ESR1: variants seen among roughly 807,000 people sequenced by gnomAD.
ESR1 encodes the protein estrogen receptor 1.
Under a neutral mutation model 52.7 loss-of-function variants are expected in ESR1, and 12 were observed. The observed-to-expected ratio is 0.23, with a 90% CI of 0.15 to 0.37. The LOEUF (loss-of-function observed/expected upper bound fraction) is 0.37, where lower values mean the gene tolerates loss of function less well. Ranked by LOEUF, ESR1 falls within the 10% of genes least tolerant of loss-of-function variation. ESR1 has a pLI of 1.00. For synonymous variants in ESR1, 305 were observed against 316.8 expected (o/e 0.96, Z 0.39); for missense variants, 584 against 779.7 (o/e 0.75, Z 2.99).
At chr6:151,962,752 A>G (rs944931891) in intron 4 of ESR1, among the ~76,000 whole-genome samples, 7 of 152,156 alleles carry the variant, frequency 4.6e-5, no homozygotes, top group African/African-American at 1.7e-4. Flanking sequence ...CACACACTTA[A>G]TGGACCCTTT....
At chr6:151,664,993 C>G (rs1314689309) in intron 1 of ESR1, among the ~76,000 whole-genome samples, 1 of 152,184 alleles carries the variant, frequency 6.6e-6, no homozygotes, top group Non-Finnish European at 1.5e-5. Context: ...AACATGCCAG[C>G]TTTAACTGCC....
At chr6:152,026,970 CTT>C (rs34385133) in intron 5 of ESR1, among the ~76,000 whole-genome samples, 41 of 145,738 alleles carry the variant, frequency 2.8e-4, no homozygotes, top group East Asian at 4.0e-4. Flanking sequence ...ATTCTTTTCT[CTT>C]TTTTTTTTTT....
rs2050896612 is a variant in ESR1, at chr6:152,099,759, G to A, written c.*793G>A. ...CTCCCTATATGAGGGATAAGTTCCTGATTTTTGTTTTTATTTTTGTGTTAC... is the reference window on the plus strand; with the variant it reads ...CTCCCTATATGAGGGATAAGTTCCTAATTTTTGTTTTTATTTTTGTGTTAC... On this transcript the variant is annotated 3_prime_UTR_variant, in exon 8 of 8. Transcript: ENST00000206249. 2.8e-6 allele frequency: 1 copy of A among 360,956 alleles called. No individual in the cohort carries two copies. Among genetic ancestry groups the A allele is most frequent in the South Asian group, 1.5e-4 (1 of 6,722 alleles). The allele number at this position is 360,956 out of a possible 1,614,324, so 22.4% of individuals were successfully genotyped here. A position where few individuals can be genotyped will look rare whatever the true frequency, so the allele number is the denominator to read the frequency against.
intron 3 of ESR1, among the ~76,000 whole-genome samples, chr6:151,936,649 T>C (rs1300071195): frequency 6.6e-6 from 1 of 152,108 alleles, no homozygotes; most frequent in Non-Finnish European, 1.5e-5. Flanking sequence ...GAAAATATAA[T>C]AACAAACAAA....
chr6:152,012,809 C>T (rs907880578), intron 5 of ESR1, among the ~76,000 whole-genome samples: 2 of 152,154 alleles, frequency 1.3e-5, no homozygotes, highest in South Asian at 2.1e-4. Context: ...ATTTTGCCTC[C>T]GTGCCAAGCA....
chr6:151,733,525 G>A (rs1186582972), intron 2 of ESR1, among the ~76,000 whole-genome samples: 1 of 151,984 alleles, frequency 6.6e-6, no homozygotes, highest in Non-Finnish European at 1.5e-5. Context: ...TACATATAAG[G>A]CAAATTTGTG....
chr6:151,943,428 G>A (rs2035344104), intron 3 of ESR1, among the ~76,000 whole-genome samples: 1 of 151,660 alleles, frequency 6.6e-6, no homozygotes, highest in African/African-American at 2.4e-5. Context: ...CACCTTTGGG[G>A]GGAAATTATC....
At chr6:152,062,852 G>A (rs777385473) in intron 6 of ESR1, among the ~76,000 whole-genome samples, 3 of 152,318 alleles carry the variant, frequency 2.0e-5, no homozygotes, top group South Asian at 4.1e-4. Flanking sequence ...CACAGTGGAT[G>A]CTCTGATCTC....
intron 2 of ESR1, among the ~76,000 whole-genome samples, chr6:151,730,614 A>G (rs906455143): frequency 1.3e-5 from 2 of 152,182 alleles, no homozygotes; most frequent in South Asian, 2.1e-4. Flanking sequence ...TCATTAACAC[A>G]TAAATATGTG....
At chr6:152,026,306 C>T (rs995254514) in intron 5 of ESR1, among the ~76,000 whole-genome samples, 1 of 151,852 alleles carries the variant, frequency 6.6e-6, no homozygotes, top group African/African-American at 2.4e-5. Flanking sequence ...CTTTATTATG[C>T]CTTATGGCTT....
chr6:151,739,078 A>T (rs1782884801), intron 2 of ESR1, among the ~76,000 whole-genome samples: 1 of 152,196 alleles, frequency 6.6e-6, no homozygotes, highest in Non-Finnish European at 1.5e-5. Flanking sequence ...GTCCCTTCTA[A>T]TATTTCATGC....
intron 4 of ESR1, among the ~76,000 whole-genome samples, chr6:151,988,536 C>A (rs1351565850): frequency 6.6e-6 from 1 of 151,986 alleles, no homozygotes; most frequent in African/African-American, 2.4e-5. Context: ...TTTGTGGATT[C>A]ATAGAGGGAA....
chr6:151,929,576 G>A lies in ESR1; in HGVS notation c.761-14597G>A, dbSNP rs201459914. Among the ~76,000 whole-genome samples, 94 of 152,026 alleles carry A rather than the reference G, an allele frequency of 6.2e-4. 1 individual carries two copies. The East Asian group carries it at 0.013, about 21-fold the overall frequency. The stretch of plus-strand genomic sequence containing the variant: ...CCACCATGGCACATGTATACTTATG[G>A]AACAAAACTGCACATTCTGCACATG... On this transcript the variant is annotated intron_variant, in intron 3 of 7. Transcript: ENST00000206249.
chr6:152,009,865 A>G (rs541156830), intron 4 of ESR1, among the ~76,000 whole-genome samples: 2 of 152,324 alleles, frequency 1.3e-5, no homozygotes, highest in South Asian at 4.1e-4. Context: ...GTATTTATTT[A>G]TAGGACATAT....
At chr6:152,025,718 C>T (rs939563285) in intron 5 of ESR1, among the ~76,000 whole-genome samples, 1 of 151,846 alleles carries the variant, frequency 6.6e-6, no homozygotes, top group Non-Finnish European at 1.5e-5. Flanking sequence ...TAGTTTTCTG[C>T]TTTCTAACTC....
Position 152,059,319 on chromosome 6 carries a change from TTTTA to T in ESR1, c.1236-1664_1236-1661del, listed in dbSNP as rs1015642808. 9.9e-4 allele frequency among the ~76,000 whole-genome samples: 151 copies of T among 152,046 alleles called. 2 individuals carry two copies. Among genetic ancestry groups the T allele is most frequent in the African/African-American group, 3.6e-3 (149 of 41,576 alleles). On this transcript the variant is annotated intron_variant, in intron 5 of 7. Transcript: ENST00000206249. ...TTGTATATATTTATATGTAAAATTT[TTTTA>T]TTTATTTTTCTTTGCTTTTAAAAGC...
At chr6:151,800,324 A>G (rs1370780467), upstream of ESR1, among the ~76,000 whole-genome samples, 1 of 152,110 alleles carries the variant, frequency 6.6e-6, no homozygotes, top group African/African-American at 2.4e-5. Context: ...AGGAAGGGCC[A>G]TTGTAATAGG....
intron 3 of ESR1, among the ~76,000 whole-genome samples, chr6:151,898,633 T>A (rs1361411169): frequency 6.6e-6 from 1 of 152,104 alleles, no homozygotes; most frequent in African/African-American, 2.4e-5. Flanking sequence ...AGCATCTGTT[T>A]AACAAAGCAC....
At position 152,000,825 on chromosome 6, in the gene ESR1, C is replaced by T. The variant is rs540597424; in HGVS notation, c.1097-10831C>T. On this transcript the variant is annotated intron_variant, in intron 4 of 7. Transcript: ENST00000206249. ...TAGTAACCCCAATCCAAACTATTCT[C>T]ATTTGTAACCTAAAATACTTAGAAC... is the stretch of plus-strand genomic sequence containing the variant. Among the ~76,000 whole-genome samples, 7 of 152,124 alleles carry T rather than the reference C, an allele frequency of 4.6e-5. No homozygotes were observed. In the East Asian group the frequency reaches 1.2e-3, roughly 25 times the overall value.
Sources: allele counts gnomAD v4.1 joint callset (sites outside exome capture counted in the v4.1 genomes callset), GRCh38; gene constraint gnomAD v4.1.1; transcripts MANE v1.5; gene names NCBI Gene and HGNC (gene_info 2026-07-23, HGNC 2026-07-21).